Variants in PDXDC1 observed in about 807,000 individuals in gnomAD.
PDXDC1 encodes pyridoxal-dependent decarboxylase domain-containing protein 1.
Under a neutral mutation model 100.1 loss-of-function variants are expected in PDXDC1, and 42 were observed. That is an observed-to-expected ratio of 0.42 (90% CI 0.33 to 0.54). The LOEUF is 0.54. Ranked by LOEUF, PDXDC1 falls within the 20% of genes least tolerant of loss-of-function variation. PDXDC1 has a pLI of 0.10. For synonymous variants in PDXDC1, 260 were observed against 371.7 expected, an observed-to-expected ratio of 0.70 and a Z score of 3.46; for missense variants, 636 against 979.2, an observed-to-expected ratio of 0.65 and a Z score of 4.68.
chr16:15,128,490 G>T, intron 16 of PDXDC1: 1 of 704,956 alleles, frequency 1.4e-6, no homozygotes, highest in Non-Finnish European at 2.5e-6. Flanking sequence ...CACTCAAGGA[G>T]CCACACAGGC....
chr16:15,087,553 T>C (rs1012808486), intron 16 of PDXDC1, among the ~76,000 whole-genome samples: 1 of 152,134 alleles, frequency 6.6e-6, no homozygotes, highest in Admixed American at 6.5e-5. Context: ...GCCATATCCA[T>C]GTGTCAAACT....
intron 16 of PDXDC1, chr16:15,104,660 T>C (rs1215636194): frequency 1.9e-6 from 3 of 1,597,738 alleles, no homozygotes; most frequent in Admixed American, 3.3e-5. Flanking sequence ...TTGGAGGAGG[T>C]GGCTGGTGGC....
intron 1 of PDXDC1, among the ~76,000 whole-genome samples, chr16:14,987,613 C>T (rs1969678197): frequency 1.3e-5 from 2 of 152,272 alleles, no homozygotes. Context: ...ACTGTTTTTC[C>T]TTTGTTTTTT....
intron 16 of PDXDC1, chr16:15,126,905 G>T (rs1161326652): frequency 2.3e-5 from 5 of 220,426 alleles, no homozygotes; most frequent in Non-Finnish European, 4.6e-5. Context: ...TGATCTGCCC[G>T]CCTCGGCCTC....
chr16:15,137,624 G>C (rs1168878172), intron 16 of PDXDC1: 2 of 1,348,076 alleles, frequency 1.5e-6, no homozygotes, highest in Admixed American at 3.9e-5. Flanking sequence ...GCACTCACAG[G>C]CTCCCATGCT....
chr16:15,019,883 C>T (rs570189137), intron 12 of PDXDC1, among the ~76,000 whole-genome samples: 115 of 152,306 alleles, frequency 7.6e-4, no homozygotes, highest in East Asian at 2.3e-3. Context: ...GAGGCTGAAG[C>T]GGGTGGATCA....
chr16:15,073,587 C>T (rs2045331579), intron 16 of PDXDC1, among the ~76,000 whole-genome samples: 1 of 152,210 alleles, frequency 6.6e-6, no homozygotes, highest in Non-Finnish European at 1.5e-5. Context: ...TCACCTCACA[C>T]ACTGTGGCAA....
intron 1 of PDXDC1, among the ~76,000 whole-genome samples, chr16:14,996,160 T>C (rs1971914589): frequency 6.6e-6 from 1 of 152,294 alleles, no homozygotes; most frequent in African/African-American, 2.4e-5. Flanking sequence ...AGAACACAGC[T>C]GGAAAATCCC....
intron 3 of PDXDC1, among the ~76,000 whole-genome samples, chr16:14,999,751 T>C (rs1335257459): frequency 6.6e-6 from 1 of 152,268 alleles, no homozygotes; most frequent in Non-Finnish European, 1.5e-5. Flanking sequence ...CATGTTTGAG[T>C]AGGAGGAAAA....
intron 16 of PDXDC1, chr16:15,059,988 A>G: frequency 6.3e-6 from 1 of 157,632 alleles, no homozygotes; most frequent in South Asian, 7.5e-5. Context: ...ATGCTTTAAT[A>G]CATTAAATTA....
At chr16:15,132,905 A>T (rs2048176311) in intron 16 of PDXDC1, 1 of 1,590,126 alleles carries the variant, frequency 6.3e-7, no homozygotes, top group African/African-American at 1.3e-5. Context: ...GCAAGCTGTC[A>T]GCAGGGCAGG....
intron 16 of PDXDC1, among the ~76,000 whole-genome samples, chr16:15,067,592 T>G (rs1055460425): frequency 3.3e-5 from 5 of 150,520 alleles, no homozygotes; most frequent in African/African-American, 1.2e-4. Flanking sequence ...CTATTACTAT[T>G]ACAGGAGTCA....
At chr16:15,044,453 T>TCAGAGGCCAGAA in intron 16 of PDXDC1, 1 of 1,210,122 alleles carries the variant, frequency 8.3e-7, no homozygotes, top group Non-Finnish European at 1.2e-6. Flanking sequence ...AAGACACCGG[T>TCAGAGGCCAGAA]GCGTGCGCTG....
intron 16 of PDXDC1, chr16:15,065,187 C>T (rs778641286): frequency 4.5e-6 from 7 of 1,559,416 alleles, no homozygotes; most frequent in Non-Finnish European, 6.1e-6. Context: ...AAAAATCCAC[C>T]TCCTCCAGCG....
intron 12 of PDXDC1, among the ~76,000 whole-genome samples, chr16:15,020,371 TTCC>T (rs1229549127): frequency 1.3e-5 from 2 of 152,276 alleles, no homozygotes; most frequent in Non-Finnish European, 2.9e-5. Context: ...GAGTTAGCAC[TTCC>T]TCAAGTATCA....
intron 16 of PDXDC1, chr16:15,133,679 C>A: frequency 6.3e-7 from 1 of 1,588,572 alleles, no homozygotes; most frequent in Non-Finnish European, 8.6e-7. Context: ...CAGCGGGGCG[C>A]CAGCATCCTC....
intron 16 of PDXDC1, among the ~76,000 whole-genome samples, chr16:15,078,924 G>C (rs1441980293): frequency 6.7e-6 from 1 of 149,708 alleles, no homozygotes; most frequent in Non-Finnish European, 1.5e-5. Flanking sequence ...CCATTCTCCT[G>C]CCTCAGCCTC....
At chr16:14,992,835 GT>G (rs375831864) in intron 1 of PDXDC1, among the ~76,000 whole-genome samples, 1,092 of 151,574 alleles carry the variant, frequency 7.2e-3, no homozygotes, top group African/African-American at 0.025. Context: ...AGAATCAGAC[GT>G]TTTTATGCTA....
At chr16:15,001,643 TTCTTTC>T in intron 3 of PDXDC1, 127 bp from the exon 4 acceptor site, 3 of 634,046 alleles carry the variant, frequency 4.7e-6, no homozygotes, top group South Asian at 5.2e-5. Flanking sequence ...ATATACCACG[TTCTTTC>T]TCTTATAGTT....
Sources: allele counts gnomAD v4.1 joint callset (sites outside exome capture counted in the v4.1 genomes callset), GRCh38; gene constraint gnomAD v4.1.1; transcripts MANE v1.5; gene names NCBI Gene and HGNC (gene_info 2026-07-23, HGNC 2026-07-21).